CDH23: variants seen among roughly 807,000 people sequenced by gnomAD.
CDH23 encodes cadherin related 23.
In CDH23, 189 loss-of-function variants were observed where a neutral mutation model predicts 317.1. The observed-to-expected ratio is 0.60, with a 90% confidence interval of 0.53 to 0.67. The LOEUF (loss-of-function observed/expected upper bound fraction) is 0.67. CDH23 is among the 30% of genes least tolerant of loss of function. The pLI is 0.00. For missense variants in CDH23, 4,401 were observed against 4,592.4 expected (o/e 0.96, Z 1.20); for synonymous variants, 1,839 against 1,876.8 (o/e 0.98, Z 0.52).
At chr10:71,532,723 TTTTG>T (rs1855462942) in intron 6 of CDH23, among the ~76,000 whole-genome samples, 3 of 64,452 alleles carry the variant, frequency 4.7e-5, no homozygotes, top group Non-Finnish European at 5.7e-5. Flanking sequence ...TTTTTTTTTT[TTTTG>T]TTTTTTTTTT....
chr10:71,694,289 T>C, intron 21 of CDH23, 30 bp downstream of exon 21: 4 of 1,550,480 alleles, frequency 2.6e-6, no homozygotes, highest in Non-Finnish European at 1.8e-6. Context: ...GTGCCCCAGC[T>C]CCCCCTCGCC....
At chr10:71,467,797 GTTA>G (rs1007805052) in intron 3 of CDH23, among the ~76,000 whole-genome samples, 1 of 152,168 alleles carries the variant, frequency 6.6e-6, no homozygotes, top group Non-Finnish European at 1.5e-5. Flanking sequence ...ATCGGCTCAT[GTTA>G]TTATCCCCAC....
In CDH23 at chr10:71,798,562, G is replaced by A. The variant is rs768052403; in HGVS notation, c.7038G>A (p.Leu2346=). 4 of 1,611,296 alleles carry A rather than the reference G, an allele frequency of 2.5e-6. No homozygotes were observed. The highest frequency in any genetic ancestry group is 2.2e-5 in the South Asian group (2 of 90,922). ...LDLVPPGYVQ[L]EDSSAGKVIA... ...TGGTGCCCCCAGGGTATGTCCAGCT[G>A]GAGGACTCCTCGGCAGGTAGGTTAG... Residue 2346 remains leucine, a synonymous_variant, in exon 50 of 70, where the codon CTG becomes CTA. Coordinates refer to ENST00000224721, the MANE Select transcript of CDH23 (RefSeq NM_022124.6).
chr10:71,420,196 A>G lies in CDH23; in HGVS notation c.-5-19631A>G, dbSNP rs146474597. Among the ~76,000 whole-genome samples the G allele has an allele frequency of 1.1e-3, 172 of 152,156 alleles. 1 individual carries two copies. Among genetic ancestry groups the G allele is most frequent in the East Asian group, 5.4e-3 (28 of 5,182 alleles). On this transcript the variant is annotated intron_variant, in intron 1 of 69. Coordinates refer to ENST00000224721, the MANE Select transcript of CDH23 (RefSeq NM_022124.6). ...TTCCTTTCTCTTTTCTAAAATACCA[A>G]ATTATCTTTTTTTTTCACTTTTATT...
intron 3 of CDH23, among the ~76,000 whole-genome samples, chr10:71,485,023 C>CTTTTTTTTTTTTTTTTTTTTTTT (rs56153129): frequency 9.1e-6 from 1 of 110,152 alleles, no homozygotes; most frequent in Non-Finnish European, 1.8e-5. Flanking sequence ...TTTCTTTTTT[C>CTTTTTTTTTTTTTTTTTTTTTTT]TTTTTTTTTT....
intron 27 of CDH23, chr10:71,711,773 T>C (rs1422104320): frequency 6.6e-6 from 1 of 152,168 alleles, no homozygotes; most frequent in African/African-American, 2.4e-5. Flanking sequence ...TCAGAAGATC[T>C]GGTGTCTCTG....
intron 11 of CDH23, among the ~76,000 whole-genome samples, chr10:71,625,052 T>C (rs965080826): frequency 2.0e-5 from 3 of 151,686 alleles, no homozygotes; most frequent in African/African-American, 7.3e-5. Flanking sequence ...CTGTCCAATA[T>C]GGGGAAAACG....
chr10:71,608,348 C>T (rs1860653219), intron 9 of CDH23, among the ~76,000 whole-genome samples: 1 of 152,216 alleles, frequency 6.6e-6, no homozygotes, highest in African/African-American at 2.4e-5. Context: ...TCAGAGGCCA[C>T]AGTGGAGATC....
At chr10:71,615,787 G>T (rs1180122274) in intron 10 of CDH23, among the ~76,000 whole-genome samples, 171 bp downstream of exon 10, 1 of 152,202 alleles carries the variant, frequency 6.6e-6, no homozygotes, top group Non-Finnish European at 1.5e-5. Flanking sequence ...GCCCCATCAG[G>T]AAGGCACCCA....
chr10:71,474,836 C>G (rs1851707187), intron 3 of CDH23, among the ~76,000 whole-genome samples: 1 of 152,216 alleles, frequency 6.6e-6, no homozygotes. Flanking sequence ...GCAGGCCGAG[C>G]CCCCAGCGCA....
intron 1 of CDH23, among the ~76,000 whole-genome samples, chr10:71,420,476 A>ATGG (rs1848734465): frequency 1.9e-5 from 1 of 52,918 alleles, no homozygotes; most frequent in Non-Finnish European, 3.8e-5. Context: ...GATGGTGATG[A>ATGG]TGATGGTGAT....
intron 11 of CDH23, among the ~76,000 whole-genome samples, chr10:71,638,485 G>C (rs1862380119): frequency 6.6e-6 from 1 of 152,186 alleles, no homozygotes; most frequent in Non-Finnish European, 1.5e-5. Flanking sequence ...TGGGGGCCCA[G>C]GCCACCTGCA....
chr10:71,561,195 C>G (rs1857113358), intron 6 of CDH23, among the ~76,000 whole-genome samples: 1 of 152,070 alleles, frequency 6.6e-6, no homozygotes, highest in African/African-American at 2.4e-5. Flanking sequence ...TTTTCTCTCG[C>G]AAATTATCTT....
intron 3 of CDH23, among the ~76,000 whole-genome samples, chr10:71,490,487 G>C (rs1852593732): frequency 6.6e-6 from 1 of 152,222 alleles, no homozygotes; most frequent in African/African-American, 2.4e-5. Context: ...CTGAGTAGGT[G>C]AGTGAATAAT....
At chr10:71,814,607 C>G (rs1842055951) in intron 69 of CDH23, among the ~76,000 whole-genome samples, 1 of 152,060 alleles carries the variant, frequency 6.6e-6, no homozygotes, top group Non-Finnish European at 1.5e-5. Flanking sequence ...TGCAGTGAGC[C>G]AAAATCGCGC....
At chr10:71,446,182 C>T (rs1589319207) in intron 2 of CDH23, 136 bp from the exon 3 acceptor site, 1 of 812,640 alleles carries the variant, frequency 1.2e-6, no homozygotes, top group Non-Finnish European at 2.1e-6. Flanking sequence ...ATAGTGACTT[C>T]CAGGGTCCTG....
intron 8 of CDH23, among the ~76,000 whole-genome samples, chr10:71,571,946 G>A (rs1021019944): frequency 2.6e-5 from 4 of 152,230 alleles, no homozygotes; most frequent in Admixed American, 2.6e-4. Flanking sequence ...GTGCTCCTGG[G>A]CCTGACCCCT....
At chr10:71,454,331 C>T (rs572649598) in intron 3 of CDH23, among the ~76,000 whole-genome samples, 25 of 152,320 alleles carry the variant, frequency 1.6e-4, no homozygotes, top group Admixed American at 1.4e-3. Context: ...GAAATCCAAG[C>T]TGTAATTTAA....
intron 41 of CDH23, among the ~76,000 whole-genome samples, chr10:71,783,859 T>C (rs1389116558): frequency 2.0e-5 from 3 of 152,230 alleles, no homozygotes; most frequent in African/African-American, 7.2e-5. Flanking sequence ...TATCCTTTTT[T>C]ACAAGCCATG....
Sources: allele counts gnomAD v4.1 joint callset (sites outside exome capture counted in the v4.1 genomes callset), GRCh38; gene constraint gnomAD v4.1.1; transcripts MANE v1.5; gene names NCBI Gene and HGNC (gene_info 2026-07-23, HGNC 2026-07-21).